The following WRN variants were observed in gnomAD, a reference collection of about 807,000 sequenced individuals.
WRN encodes bifunctional 3'-5' exonuclease/ATP-dependent helicase WRN.
A neutral mutation model predicts 180.7 loss-of-function variants in WRN; 149 were observed. The ratio of observed to expected loss-of-function variants is 0.82; its 90% CI spans 0.72 to 0.94. The LOEUF is 0.94. Among genes scored for constraint, WRN ranks in the 40% least tolerant of loss-of-function variants. The pLI is 0.00. For missense variants in WRN, 1,661 were observed against 1,700.1 expected (o/e 0.98, Z 0.40); for synonymous variants, 548 against 568.9 (o/e 0.96, Z 0.52).
At chr8:31,154,018 C>T (rs2130467461) in intron 31 of WRN, among the ~76,000 whole-genome samples, 1 of 152,028 alleles carries the variant, frequency 6.6e-6, no homozygotes, top group Non-Finnish European at 1.5e-5. Flanking sequence ...AAATAGTTTT[C>T]TATCTCTTTA....
At chr8:31,120,004 A>G (rs187256155) in intron 20 of WRN, 8 of 501,210 alleles carry the variant, frequency 1.6e-5, no homozygotes, top group Middle Eastern at 5.9e-4. Flanking sequence ...AGGAGTTCAG[A>G]TAGACCACTT....
At chr8:31,047,596 G>A (rs16877659) in intron 1 of WRN, among the ~76,000 whole-genome samples, 5,146 of 152,176 alleles carry the variant, frequency 0.034, 270 homozygotes, top group African/African-American at 0.12. Flanking sequence ...TGTATTAAGG[G>A]TCTAGGGTGG....
rs1801195 is a variant in WRN at position 31,141,764 on chromosome 8, G to C, written c.3222G>C (p.Leu1074Phe). 3.1e-6 allele frequency: 5 copies of C among 1,613,460 alleles called. No individual in the cohort carries two copies. Among genetic ancestry groups the C allele is most frequent in the Non-Finnish European group, 4.2e-6 (5 of 1,179,834 alleles). Residue 1074 changes from leucine (L) to phenylalanine (F), a missense_variant, in exon 26 of 35, where the codon TTG becomes TTC. This residue lies in a region of WRN where 1,141 missense variants were observed against 1,149.4 expected (regional missense o/e 0.99). Coordinates refer to ENST00000298139, the MANE Select transcript of WRN (RefSeq NM_000553.6). ...ATGAAGAATTGTGTCCAAAGAAGTT[G>C]CTTCTGCCTAGGTTCATTTTTCAGT... is the stretch of plus-strand genomic sequence containing the variant. ...QANEELCPKKLLLPSSKTVSS... is the reference protein window; with the variant it reads ...QANEELCPKKFLLPSSKTVSS...
chr8:31,116,159 T>C (rs11574303), intron 19 of WRN, among the ~76,000 whole-genome samples, 195 bp from the exon 20 acceptor site: 5 of 152,208 alleles, frequency 3.3e-5, no homozygotes, highest in Non-Finnish European at 5.9e-5. Context: ...CTTCACACAA[T>C]TCATTTGGAT....
intron 7 of WRN, among the ~76,000 whole-genome samples, chr8:31,074,718 C>T (rs1348160822): frequency 4.0e-5 from 6 of 151,712 alleles, no homozygotes; most frequent in Non-Finnish European, 5.9e-5. Context: ...GGTTTTGCCA[C>T]GTAATTACCA....
intron 11 of WRN, 168 bp from the exon 12 acceptor site, chr8:31,087,608 G>T (rs1276322949): frequency 4.8e-6 from 3 of 628,602 alleles, no homozygotes; most frequent in Middle Eastern, 4.5e-4. Context: ...AACCATTCAT[G>T]AGCACATATT....
At chr8:31,154,777 C>T (rs2130470949) in intron 32 of WRN, 22 bp downstream of exon 32, 1 of 1,612,574 alleles carries the variant, frequency 6.2e-7, no homozygotes, top group Non-Finnish European at 8.5e-7. Context: ...TTTCATGTTA[C>T]AGGGAATTTT....
chr8:31,118,535 G>C (rs1801604507), intron 20 of WRN, among the ~76,000 whole-genome samples: 1 of 151,802 alleles, frequency 6.6e-6, no homozygotes, highest in South Asian at 2.1e-4. Flanking sequence ...ACCGAGAATT[G>C]AATACCTACT....
chr8:31,099,948 G>A (rs916382874), intron 17 of WRN, among the ~76,000 whole-genome samples: 1 of 152,178 alleles, frequency 6.6e-6, no homozygotes, highest in Non-Finnish European at 1.5e-5. Context: ...ACACATGGCA[G>A]ATGGTGGAGC....
intron 33 of WRN, among the ~76,000 whole-genome samples, chr8:31,163,089 G>A (rs1327519410): frequency 6.6e-6 from 1 of 151,844 alleles, no homozygotes; most frequent in Admixed American, 6.6e-5. Context: ...GTTGTAATGG[G>A]GTGTGTGTGT....
At chr8:31,149,209 A>C (rs2130448099) in intron 30 of WRN, among the ~76,000 whole-genome samples, 1 of 151,942 alleles carries the variant, frequency 6.6e-6, no homozygotes, top group Non-Finnish European at 1.5e-5. Context: ...CATCCTGGCT[A>C]ACACGGTGAA....
chr8:31,102,348 ATC>A (rs1800908563), intron 18 of WRN, among the ~76,000 whole-genome samples: 1 of 152,208 alleles, frequency 6.6e-6, no homozygotes, highest in East Asian at 1.9e-4. Flanking sequence ...CTACCTTGAG[ATC>A]TATCCAAGTT....
intron 33 of WRN, among the ~76,000 whole-genome samples, chr8:31,161,315 G>A (rs1177265627): frequency 6.6e-6 from 1 of 152,118 alleles, no homozygotes; most frequent in Admixed American, 6.6e-5. Flanking sequence ...TGAATTCTGA[G>A]AAATGTGTTG....
intron 34 of WRN, chr8:31,171,127 A>C (rs1804085257): frequency 6.6e-6 from 1 of 152,226 alleles, no homozygotes; most frequent in Admixed American, 6.5e-5. Flanking sequence ...AAGTGGCTCA[A>C]TTAAAGTTCA....
At chr8:31,093,792 C>A (rs1263061219) in intron 16 of WRN, among the ~76,000 whole-genome samples, 1 of 152,160 alleles carries the variant, frequency 6.6e-6, no homozygotes, top group African/African-American at 2.4e-5. Flanking sequence ...CTGCTGAGCT[C>A]CTTCCTGTTA....
intron 34 of WRN, among the ~76,000 whole-genome samples, chr8:31,170,862 A>G (rs879783316): frequency 1.3e-5 from 2 of 152,232 alleles, no homozygotes; most frequent in African/African-American, 4.8e-5. Context: ...CGCTTTTCCC[A>G]ATGAAATAAG....
Position 31,143,588 on chromosome 8 carries a change from T to C in WRN, c.3348T>C (p.Asp1116=), listed in dbSNP as rs1255978269. Residue 1116 remains aspartate (D), a synonymous_variant, in exon 28 of 35, where the codon GAT becomes GAC. Coordinates refer to ENST00000298139, the MANE Select transcript of WRN (RefSeq NM_000553.6). ...LEKLYSYKPC[D]KISSGSNISK... ...AGTTATATTCTTATAAACCATGTGA[T>C]AAGATTTCTTCTGGGAGTAACATTT... 6.3e-7 allele frequency: 1 copy of C among 1,590,466 alleles called. No individual in the cohort carries two copies. The highest frequency in any genetic ancestry group is 1.7e-5 in the Admixed American group (1 of 59,884).
In WRN at chr8:31,088,890, AC is replaced by A. The variant is rs780555196; in HGVS notation, c.1578del (p.Leu528CysfsTer29). The A allele has an allele frequency of 2.3e-5, 37 of 1,609,002 alleles. No individual in the cohort carries two copies. Among genetic ancestry groups the A allele is most frequent in the Admixed American group, 3.4e-5 (2 of 59,654 alleles). ...AATGCACATTTTATTTTATTTCCAG[AC>A]TTTTTGTGGCCAGCACCCAATGAAG... The part of the protein sequence containing the change: ...ANEGEEDDDK[D>X]FLWPAPNEEQ... On this transcript the variant is annotated frameshift_variant and splice_region_variant, in exon 13 of 35. Coordinates refer to ENST00000298139, the MANE Select transcript of WRN (RefSeq NM_000553.6). LOFTEE classifies it high-confidence loss of function.
intron 4 of WRN, 120 bp downstream of exon 4, chr8:31,064,554 G>A: frequency 7.2e-7 from 1 of 1,391,008 alleles, no homozygotes. Context: ...ATTTATTTAA[G>A]TATTTATGTT....
Sources: gnomAD v4.1 joint callset for allele counts (sites outside exome capture counted in the v4.1 genomes callset) on GRCh38, gnomAD v4.1.1 for gene constraint, gnomAD v4.1.1 regional missense constraint, MANE v1.5 for transcripts, NCBI Gene and HGNC (gene_info 2026-07-23, HGNC 2026-07-21) for gene names.